The following PCDHA3 variants were observed in gnomAD, a reference collection of about 807,000 sequenced individuals.
PCDHA3 encodes the protein protocadherin alpha-3.
PCDHA3 carries 41 observed loss-of-function variants against 62.2 expected under a neutral mutation model. The observed-to-expected ratio is 0.66, with a 90% CI of 0.51 to 0.86. The LOEUF (loss-of-function observed/expected upper bound fraction) is 0.86. Ranked by LOEUF, PCDHA3 falls within the 40% of genes least tolerant of loss-of-function variation. The pLI is 0.00. For missense variants in PCDHA3, 1,304 were observed against 1,241.2 expected, an observed-to-expected ratio of 1.05 and a Z score of -0.76; for synonymous variants, 640 against 555.4, an observed-to-expected ratio of 1.15 and a Z score of -2.14.
intron 1 of PCDHA3, chr5:140,966,877 T>A (rs782616985): frequency 6.3e-7 from 1 of 1,586,572 alleles, no homozygotes; most frequent in Admixed American, 1.8e-5. Context: ...TGCTGCTACC[T>A]GGCCCTGCGG....
chr5:140,801,885 A>G lies in PCDHA3; in HGVS notation c.688A>G (p.Ile230Val), dbSNP rs782030457. The G allele has an allele frequency of 1.2e-6, 2 of 1,614,168 alleles. No homozygotes were observed. The highest frequency in any genetic ancestry group is 4.5e-5 in the East Asian group (2 of 44,888). The change falls in exon 1 of 4, where the codon ATC becomes GTC. Residue 230 changes from isoleucine to valine, a missense_variant. By Grantham distance (29) the Ile-to-Val change is conservative. Transcript: ENST00000522353. ...GCTCACTGGCACGACTCAACTAAAG[A>G]TCACTGTTTTAGATGTAAACGACAA... ...PELTGTTQLK[I>V]TVLDVNDNAP...
chr5:141,010,403 G>T lies in PCDHA3; in HGVS notation c.*466G>T. ...ATATTGGCTGAGACGAGCCAGCTTA[G>T]ACTAATTGGTACAAGGAAGGCAAGA... On this transcript the variant is annotated 3_prime_UTR_variant, in exon 4 of 4. Transcript: ENST00000522353. 2 of 1,285,614 alleles carry T rather than the reference G, an allele frequency of 1.6e-6. No individual in the cohort carries two copies. Among genetic ancestry groups the T allele is most frequent in the Non-Finnish European group, 2.1e-6 (2 of 956,000 alleles). The allele number at this position is 1,285,614 out of a possible 1,614,324, so 79.6% of individuals were successfully genotyped here. A position where few individuals can be genotyped will look rare whatever the true frequency, so the allele number is the denominator to read the frequency against.
intron 1 of PCDHA3, chr5:140,863,783 G>A: frequency 4.4e-6 from 1 of 226,522 alleles, no homozygotes; most frequent in South Asian, 6.5e-5. Flanking sequence ...CGGATCACTC[G>A]AGGCCAGGAG....
intron 1 of PCDHA3, chr5:140,822,433 GAACT>G (rs2150116346): frequency 1.9e-5 from 31 of 1,613,932 alleles, no homozygotes; most frequent in South Asian, 5.5e-5. Flanking sequence ...AGGAAAACCC[GAACT>G]AACAGGTACA....
intron 1 of PCDHA3, chr5:140,813,552 C>A (rs1765332337): frequency 1.3e-5 from 2 of 152,088 alleles, no homozygotes; most frequent in African/African-American, 4.8e-5. Context: ...AGGGTACTTA[C>A]CCTATGAATG....
chr5:140,977,841 A>G lies in PCDHA3; in HGVS notation c.2395-1108A>G, dbSNP rs76111417. On this transcript the variant is annotated intron_variant, in intron 1 of 3. Transcript: ENST00000522353. The stretch of plus-strand genomic sequence containing the variant: ...TTTTGAATGGTCTATTGATATTACT[A>G]TGGCTTTGTTTCTACCAAATATGGT... Among the ~76,000 whole-genome samples the G allele has an allele frequency of 8.3e-3, 1,257 of 152,348 alleles. 23 individuals carry two copies. Among genetic ancestry groups the G allele is most frequent in the African/African-American group, 0.028 (1,184 of 41,574 alleles).
intron 3 of PCDHA3, among the ~76,000 whole-genome samples, chr5:140,996,287 A>C (rs1200123512): frequency 2.0e-5 from 3 of 152,258 alleles, no homozygotes; most frequent in African/African-American, 4.8e-5. Context: ...AAATTTCAAG[A>C]AGCACAGATT....
chr5:140,938,298 A>G (rs549354760), intron 1 of PCDHA3, among the ~76,000 whole-genome samples: 4 of 152,350 alleles, frequency 2.6e-5, no homozygotes, highest in African/African-American at 7.2e-5. Context: ...ATTGCCTATG[A>G]AATTCAGTAT....
At chr5:140,816,902 C>T (rs2126676143) in intron 1 of PCDHA3, 2 of 152,180 alleles carry the variant, frequency 1.3e-5, no homozygotes, top group African/African-American at 4.8e-5. Flanking sequence ...TTCTGAGAAG[C>T]CCTCAGTTAT....
intron 1 of PCDHA3, among the ~76,000 whole-genome samples, chr5:140,903,475 A>C (rs1186809574): frequency 6.6e-6 from 1 of 152,220 alleles, no homozygotes; most frequent in African/African-American, 2.4e-5. Flanking sequence ...TATTCCTTGC[A>C]TTATAGTTCT....
chr5:140,992,681 G>A (rs575311513), intron 3 of PCDHA3, among the ~76,000 whole-genome samples: 2 of 152,286 alleles, frequency 1.3e-5, no homozygotes, highest in South Asian at 4.2e-4. Flanking sequence ...TGTGTGTTAG[G>A]GGTTGAGGGG....
At chr5:140,869,937 A>C (rs782444890) in intron 1 of PCDHA3, 1 of 1,612,006 alleles carries the variant, frequency 6.2e-7, no homozygotes, top group Non-Finnish European at 8.5e-7. Flanking sequence ...GAGAGGTAAC[A>C]TACTCCTTAA....
intron 1 of PCDHA3, among the ~76,000 whole-genome samples, chr5:140,899,245 G>A (rs2067216472): frequency 6.6e-6 from 1 of 152,128 alleles, no homozygotes; most frequent in Non-Finnish European, 1.5e-5. Context: ...GGAGTGGTGA[G>A]AGAGGGCATC....
Position 140,830,403 on chromosome 5 carries a change from C to T in PCDHA3, c.2394+26812C>T, listed in dbSNP as rs142523844. 231 of 1,614,096 alleles carry T rather than the reference C, an allele frequency of 1.4e-4. No homozygotes were observed. The African/African-American group carries it at 1.9e-3, about 14-fold the overall frequency. The stretch of plus-strand genomic sequence containing the variant: ...GGCCCACCCAAGATGGATCTCATGG[C>T]CTTTAGCCCCAGCCTTTCACCTTGT... On this transcript the variant is annotated intron_variant, in intron 1 of 3. Transcript: ENST00000522353.
At chr5:140,979,973 A>G (rs782560392) in intron 2 of PCDHA3, among the ~76,000 whole-genome samples, 9 of 152,230 alleles carry the variant, frequency 5.9e-5, no homozygotes, top group Non-Finnish European at 1.0e-4. Context: ...ATTAAAATGC[A>G]TTAGATTGAA....
intron 3 of PCDHA3, 167 bp from the exon 4 acceptor site, chr5:141,009,460 T>C (rs1375350735): frequency 3.2e-6 from 3 of 950,276 alleles, no homozygotes; most frequent in African/African-American, 1.8e-5. Flanking sequence ...ATTAAACAAA[T>C]AAATAAATAA....
Position 141,010,263 on chromosome 5 carries a change from C to T in PCDHA3, c.*326C>T, listed in dbSNP as rs782479376. On this transcript the variant is annotated 3_prime_UTR_variant, in exon 4 of 4. Transcript: ENST00000522353. Reference sequence around the variant, plus strand: ...AGGTTGGACTCTCTGCCCTGTGCTCCGGGGATCCTGTCTTGATGACACTTG... The same window carrying T: ...AGGTTGGACTCTCTGCCCTGTGCTCTGGGGATCCTGTCTTGATGACACTTG... The T allele has an allele frequency of 8.4e-6, 13 of 1,551,608 alleles. No homozygotes were observed. Among genetic ancestry groups the T allele is most frequent in the African/African-American group, 5.5e-5 (4 of 73,018 alleles).
chr5:140,842,313 C>G, intron 1 of PCDHA3: 2 of 1,607,028 alleles, frequency 1.2e-6, no homozygotes, highest in Non-Finnish European at 1.7e-6. Context: ...CCTCCCATGG[C>G]GGGTCATTGC....
intron 3 of PCDHA3, among the ~76,000 whole-genome samples, chr5:140,999,978 G>A (rs980753359): frequency 5.9e-5 from 9 of 151,942 alleles, no homozygotes; most frequent in South Asian, 2.1e-4. Flanking sequence ...CAGCTCTAGC[G>A]GCCTCTGGGT....
Sources: allele counts gnomAD v4.1 joint callset (sites outside exome capture counted in the v4.1 genomes callset), GRCh38; gene constraint gnomAD v4.1.1; transcripts MANE v1.5; gene names NCBI Gene and HGNC (gene_info 2026-07-23, HGNC 2026-07-21).